ZNF345: variants seen among roughly 807,000 people sequenced by gnomAD.
The protein encoded by ZNF345 is zinc finger protein 345.
For missense variants in ZNF345, 527 were observed against 589.9 expected (o/e 0.89, Z 1.10); for synonymous variants, 166 against 187.9 (o/e 0.88, Z 0.95).
chr19:36,891,398 G>T, intron 3 of ZNF345: 15 of 1,290,322 alleles, frequency 1.2e-5, no homozygotes, highest in Non-Finnish European at 1.6e-5. Flanking sequence ...ATACATAGGA[G>T]AACCTTTGAT....
intron 2 of ZNF345, 27 bp downstream of exon 2, chr19:36,851,931 G>A (rs762602068): frequency 3.3e-5 from 5 of 151,964 alleles, no homozygotes; most frequent in Admixed American, 6.6e-5. Flanking sequence ...TCTTGTTTAA[G>A]AAAAATCCCT....
rs183381252 is a variant in ZNF345, at chr19:36,853,793, A to G, written c.-47+1889A>G. On this transcript the variant is annotated intron_variant, in intron 2 of 2. Transcript: ENST00000420450. Reference sequence around the variant, plus strand: ...ATTTGTCACTCCTCGCAGTAATAACATACTGTCTTACTCACTGTAACTTTG... The same window carrying G: ...ATTTGTCACTCCTCGCAGTAATAACGTACTGTCTTACTCACTGTAACTTTG... 3.9e-3 allele frequency among the ~76,000 whole-genome samples: 601 copies of G among 152,346 alleles called. 7 individuals carry two copies. Among genetic ancestry groups the G allele is most frequent in the Non-Finnish European group, 5.2e-3 (355 of 68,032 alleles).
At chr19:36,880,992 A>G (rs1056841054), downstream of ZNF345, among the ~76,000 whole-genome samples, 2 of 152,180 alleles carry the variant, frequency 1.3e-5, no homozygotes, top group Non-Finnish European at 2.9e-5. Context: ...ACTACAACAA[A>G]AACCCTAAGG....
chr19:36,882,177 A>G (rs2072972387), downstream of ZNF345, among the ~76,000 whole-genome samples: 1 of 151,930 alleles, frequency 6.6e-6, no homozygotes, highest in African/African-American at 2.4e-5. Flanking sequence ...TGTTGAGTAC[A>G]TGTGCTTGGT....
chr19:36,859,087 CT>C (rs201550184), intron 2 of ZNF345, among the ~76,000 whole-genome samples: 43 of 137,316 alleles, frequency 3.1e-4, no homozygotes, highest in African/African-American at 8.1e-4. Flanking sequence ...CAGCAGTCTT[CT>C]TTTTAAAAAA....
intron 2 of ZNF345, among the ~76,000 whole-genome samples, chr19:36,875,916 G>A (rs2072873485): frequency 6.6e-6 from 1 of 152,198 alleles, no homozygotes; most frequent in Non-Finnish European, 1.5e-5. Context: ...CTTTATGCAA[G>A]TATGTAAGTA....
downstream of ZNF345, among the ~76,000 whole-genome samples, chr19:36,881,368 C>A (rs2072967103): frequency 6.6e-6 from 1 of 152,078 alleles, no homozygotes; most frequent in Non-Finnish European, 1.5e-5. Context: ...TTACATGTAA[C>A]CTTTTAATAA....
In ZNF345 at chr19:36,853,438, G is replaced by A. The variant is rs373916552; in HGVS notation, c.-47+1534G>A. ...TAATTTTGTATTTTTAGTAGAGACA[G>A]GGTTTCTCCATGTTGGTCAGGCTGG... On this transcript the variant is annotated intron_variant, in intron 2 of 2. Transcript: ENST00000420450. 3.8e-4 allele frequency among the ~76,000 whole-genome samples: 57 copies of A among 151,980 alleles called. 1 individual carries two copies. In the East Asian group the frequency reaches 8.9e-3, roughly 24 times the overall value.
intron 2 of ZNF345, among the ~76,000 whole-genome samples, chr19:36,876,415 C>T (rs2072882496): frequency 6.6e-6 from 1 of 152,152 alleles, no homozygotes; most frequent in South Asian, 2.1e-4. Flanking sequence ...GTTTATAGCA[C>T]TAGATTCATC....
At chr19:36,884,638 T>C (rs1223201807) in intron 3 of ZNF345, among the ~76,000 whole-genome samples, 1 of 152,130 alleles carries the variant, frequency 6.6e-6, no homozygotes, top group Non-Finnish European at 1.5e-5. Context: ...TTCTTGCTGG[T>C]TTGTCTAATA....
chr19:36,865,700 A>G (rs1353742686), intron 2 of ZNF345, among the ~76,000 whole-genome samples: 1 of 152,192 alleles, frequency 6.6e-6, no homozygotes, highest in African/African-American at 2.4e-5. Flanking sequence ...CAATCATAAG[A>G]TCTGCAAACA....
chr19:36,859,257 G>A (rs963362258), intron 2 of ZNF345, among the ~76,000 whole-genome samples: 1 of 151,910 alleles, frequency 6.6e-6, no homozygotes, highest in Non-Finnish European at 1.5e-5. Flanking sequence ...CCAGGTTCAA[G>A]TGATTCTCCT....
intron 2 of ZNF345, among the ~76,000 whole-genome samples, chr19:36,861,876 T>C (rs1479060785): frequency 3.6e-4 from 54 of 149,304 alleles, no homozygotes; most frequent in Non-Finnish European, 5.9e-4. Context: ...TTTTTTTTTT[T>C]CTTGAGATGG....
At chr19:36,875,540 A>G (rs1380689211) in intron 2 of ZNF345, among the ~76,000 whole-genome samples, 2 of 152,148 alleles carry the variant, frequency 1.3e-5, no homozygotes, top group Non-Finnish European at 2.9e-5. Context: ...TCACTGAGGA[A>G]CTTTTAAGAG....
chr19:36,873,689 CTT>C (rs34362517), intron 2 of ZNF345, among the ~76,000 whole-genome samples: 64 of 142,576 alleles, frequency 4.5e-4, no homozygotes, highest in South Asian at 6.7e-4. Context: ...TATTTCTGTA[CTT>C]TTTTTTTTTT....
Position 36,862,264 on chromosome 19 carries a change from T to A in ZNF345, c.-47+10360T>A, listed in dbSNP as rs145337512. Among the ~76,000 whole-genome samples the A allele has an allele frequency of 2.5e-3, 387 of 152,300 alleles. 9 individuals carry two copies. The East Asian group carries it at 0.064, about 25-fold the overall frequency. ...CATTAAAGTTGCTTTTGTTATTCAT[T>A]TGAAATACATTTAAGTTTGTTAGTT... On this transcript the variant is annotated intron_variant, in intron 2 of 2. Coordinates refer to ENST00000420450, the MANE Select transcript of ZNF345 (RefSeq NM_001242472.2).
intron 3 of ZNF345, chr19:36,890,312 T>C (rs2073037730): frequency 6.6e-6 from 1 of 152,168 alleles, no homozygotes; most frequent in South Asian, 2.1e-4. Flanking sequence ...GTCCAGAGTT[T>C]CTTTGTTGAT....
chr19:36,891,206 GT>G lies in ZNF345; in HGVS notation c.47-1610del, dbSNP rs578208691. ...CATGGAATGCCAAGGACTGCCAGCT[GT>G]TAACAGAGGTTAGGAAAAAGGCATA... On this transcript the variant is annotated intron_variant, in intron 3 of 3. Coordinates refer to the ZNF345 transcript ENST00000526123. The G allele has an allele frequency of 2.2e-3, 667 of 298,550 alleles. 6 individuals are homozygous for G. The highest frequency in any genetic ancestry group is 0.013 in the African/African-American group (621 of 46,234). 18.5% of individuals were successfully genotyped at this position (298,550 alleles called of 1,614,324 possible). A position where few individuals can be genotyped will look rare whatever the true frequency, so the allele number is the denominator to read the frequency against.
chr19:36,877,829 A>G lies in ZNF345; in HGVS notation c.999A>G (p.Gln333=), dbSNP rs1261768169. The G allele has an allele frequency of 1.2e-5, 20 of 1,612,066 alleles. No homozygotes were observed. Among genetic ancestry groups the G allele is most frequent in the Admixed American group, 1.7e-5 (1 of 59,848 alleles). ...GTGGTTCAAAACTTATTCAGCATCA[A>G]AGAATGCATACTGGAGAGAAACCTT... ...FRSGSKLIQH[Q]RMHTGEKPYE... The change falls in exon 3 of 3, where the codon CAA becomes CAG. Residue 333 remains glutamine (Q), a synonymous_variant. Transcript: ENST00000420450.
Sources: allele counts gnomAD v4.1 joint callset (sites outside exome capture counted in the v4.1 genomes callset), GRCh38; gene constraint gnomAD v4.1.1; transcripts MANE v1.5; gene names NCBI Gene and HGNC (gene_info 2026-07-23, HGNC 2026-07-21).